Variants in RORA observed in about 807,000 individuals in gnomAD.
RORA encodes RAR related orphan receptor A, also known as nuclear receptor ROR-alpha.
RORA carries 7 observed loss-of-function variants against 69.5 expected under a neutral mutation model. That is an observed-to-expected ratio of 0.10 (90% CI 0.06 to 0.19). The LOEUF (loss-of-function observed/expected upper bound fraction) is 0.19. RORA is among the 10% of genes least tolerant of loss of function. RORA has a pLI of 1.00. For synonymous variants in RORA, 261 were observed against 240.8 expected (o/e 1.08, Z -0.78); for missense variants, 457 against 663.0 (o/e 0.69, Z 3.41).
intron 1 of RORA, among the ~76,000 whole-genome samples, chr15:60,837,441 A>T (rs2073132533): frequency 6.6e-6 from 1 of 152,230 alleles, no homozygotes; most frequent in Admixed American, 6.5e-5. Context: ...ATATCAATCA[A>T]TGCGCACGCA....
chr15:60,597,636 A>G (rs1202071661), intron 2 of RORA, among the ~76,000 whole-genome samples: 1 of 80,212 alleles, frequency 1.2e-5, no homozygotes, highest in Non-Finnish European at 2.3e-5. Flanking sequence ...ATATATACAT[A>G]TATATATATA....
chr15:60,850,279 T>C (rs2073310372), intron 1 of RORA, among the ~76,000 whole-genome samples: 1 of 152,150 alleles, frequency 6.6e-6, no homozygotes, highest in Non-Finnish European at 1.5e-5. Flanking sequence ...TTTGGAACAG[T>C]TCTCAAAGTA....
intron 1 of RORA, among the ~76,000 whole-genome samples, chr15:60,956,555 C>T (rs530613666): frequency 1.4e-4 from 22 of 152,266 alleles, no homozygotes; most frequent in Admixed American, 6.5e-4. Context: ...CATGTCTGTA[C>T]GATGCACTAG....
chr15:60,935,118 C>G (rs1032171825), intron 1 of RORA, among the ~76,000 whole-genome samples: 8 of 152,240 alleles, frequency 5.3e-5, no homozygotes, highest in Non-Finnish European at 8.8e-5. Context: ...AAAAGATGCT[C>G]ACAAGCATTT....
intron 1 of RORA, among the ~76,000 whole-genome samples, chr15:60,998,409 T>TC: frequency 6.6e-6 from 1 of 151,974 alleles, no homozygotes; most frequent in Non-Finnish European, 1.5e-5. Flanking sequence ...TTTCTTTTTT[T>TC]TTTTTTGAGA....
intron 1 of RORA, among the ~76,000 whole-genome samples, chr15:61,029,912 A>T (rs17270759): frequency 7.9e-5 from 12 of 152,126 alleles, no homozygotes; most frequent in African/African-American, 2.7e-4. Context: ...TGAGATGGGG[A>T]TCTGTGGCTC....
In RORA at chr15:60,905,407, A is replaced by AT. The variant is rs961347128; in HGVS notation, c.167-226722dup. The stretch of plus-strand genomic sequence containing the variant: ...ATTAGATCAACTTTTTTTTCTGTGT[A>AT]TTTTTTTTTCTTTTTAAACAGGGAC... On this transcript the variant is annotated intron_variant, in intron 1 of 10. Transcript: ENST00000335670. The surrounding 1 kb of genome is among the most constrained non-coding windows in gnomAD (Gnocchi z 4.8). Among the ~76,000 whole-genome samples, 5 of 151,352 alleles carry AT rather than the reference A, an allele frequency of 3.3e-5. No homozygotes were observed. The highest frequency in any genetic ancestry group is 4.4e-5 in the Non-Finnish European group (3 of 67,776).
intron 1 of RORA, among the ~76,000 whole-genome samples, chr15:60,890,359 G>C (rs2073800026): frequency 6.6e-6 from 1 of 152,190 alleles, no homozygotes; most frequent in Non-Finnish European, 1.5e-5. Flanking sequence ...ACTCCCCTCA[G>C]AAGAATGCAG....
intron 1 of RORA, among the ~76,000 whole-genome samples, chr15:60,695,643 C>A (rs932635721): frequency 6.6e-6 from 1 of 152,070 alleles, no homozygotes; most frequent in Non-Finnish European, 1.5e-5. Context: ...GATGCCAATA[C>A]GGACGAAGGT....
intron 1 of RORA, among the ~76,000 whole-genome samples, chr15:61,176,964 T>C (rs1390720891): frequency 6.6e-6 from 1 of 152,230 alleles, no homozygotes; most frequent in Admixed American, 6.5e-5. Flanking sequence ...CTACATTTAT[T>C]GAATGCCTGC....
In RORA at chr15:60,860,437, C is replaced by T. The variant is rs144991909; in HGVS notation, c.167-181751G>A. Among the ~76,000 whole-genome samples the T allele has an allele frequency of 3.5e-3, 537 of 152,272 alleles. 2 individuals are homozygous for T. The highest frequency in any genetic ancestry group is 0.012 in the African/African-American group (517 of 41,552). The stretch of plus-strand genomic sequence containing the variant: ...GCAGTAATAAGGGCTCTCAGTCAAA[C>T]CTTCTGAGAATGAAGTGTATTTGAC... On this transcript the variant is annotated intron_variant, in intron 1 of 10. Transcript: ENST00000335670.
At chr15:60,909,841 AG>A (rs1015879630) in intron 1 of RORA, among the ~76,000 whole-genome samples, 1 of 152,194 alleles carries the variant, frequency 6.6e-6, no homozygotes, top group Non-Finnish European at 1.5e-5. Flanking sequence ...ATTTTTTACA[AG>A]GTGGTCTGGA....
chr15:60,599,947 G>A (rs1304180420), intron 2 of RORA, among the ~76,000 whole-genome samples: 1 of 152,074 alleles, frequency 6.6e-6, no homozygotes, highest in African/African-American at 2.4e-5. Context: ...AGCACACCAA[G>A]GAAGAATAAA....
chr15:60,843,070 A>G (rs995003142), intron 1 of RORA, among the ~76,000 whole-genome samples: 1 of 152,012 alleles, frequency 6.6e-6, no homozygotes, highest in Admixed American at 6.5e-5. Context: ...CAAATGTCCA[A>G]ACCCAAGATC....
chr15:60,664,895 A>C (rs1475825522), intron 2 of RORA, among the ~76,000 whole-genome samples: 1 of 152,244 alleles, frequency 6.6e-6, no homozygotes, highest in Admixed American at 6.5e-5. Context: ...AGAAAAAGTT[A>C]CAAACAAAAG....
chr15:60,820,640 G>C (rs2072881744), intron 1 of RORA, among the ~76,000 whole-genome samples: 1 of 152,034 alleles, frequency 6.6e-6, no homozygotes, highest in African/African-American at 2.4e-5. Flanking sequence ...AGGCAGAGGG[G>C]TGGGGGTGGA....
At chr15:61,189,566 A>G (rs1229462758) in intron 1 of RORA, among the ~76,000 whole-genome samples, 1 of 152,116 alleles carries the variant, frequency 6.6e-6, no homozygotes, top group Non-Finnish European at 1.5e-5. Flanking sequence ...TGAAGACAGA[A>G]CAGATATCTG....
At chr15:60,506,697 A>G (rs1296148241) in intron 5 of RORA, among the ~76,000 whole-genome samples, 2 of 149,864 alleles carry the variant, frequency 1.3e-5, no homozygotes, top group Admixed American at 1.3e-4. Context: ...TATTAAAAAT[A>G]CAAAAAAAAA....
intron 2 of RORA, among the ~76,000 whole-genome samples, chr15:60,569,293 G>T (rs1226995829): frequency 6.7e-6 from 1 of 149,968 alleles, no homozygotes; most frequent in Non-Finnish European, 1.5e-5. Context: ...GCCATGTGTG[G>T]TGTCACATGC....
Sources: allele counts gnomAD v4.1 joint callset (sites outside exome capture counted in the v4.1 genomes callset), GRCh38; gene constraint gnomAD v4.1.1; non-coding constraint Gnocchi (gnomAD v3.1); transcripts MANE v1.5; gene names NCBI Gene and HGNC (gene_info 2026-07-23, HGNC 2026-07-21).